USP5: variants seen among roughly 807,000 people sequenced by gnomAD.
The protein encoded by USP5 is ubiquitin specific peptidase 5, also known as ubiquitin carboxyl-terminal hydrolase 5.
Under a neutral mutation model 102.5 loss-of-function variants are expected in USP5, and 24 were observed. That is an observed-to-expected ratio of 0.23 (90% CI 0.17 to 0.33). The LOEUF (loss-of-function observed/expected upper bound fraction) is 0.33. Ranked by LOEUF, USP5 falls within the 10% of genes least tolerant of loss-of-function variation. The probability of loss-of-function intolerance (pLI) is 1.00; values close to 1 mark genes in which losing one functional copy is unlikely to be tolerated. For synonymous variants in USP5, 460 were observed against 434.8 expected (o/e 1.06, Z -0.72); for missense variants, 753 against 1,122.1 (o/e 0.67, Z 4.70).
intron 14 of USP5, 132 bp downstream of exon 14, chr12:6,862,690 T>C: frequency 1.3e-6 from 1 of 757,664 alleles, no homozygotes; most frequent in Non-Finnish European, 2.1e-6. Flanking sequence ...GTTTCAAAAT[T>C]TATCTAGTTT....
chr12:6,864,262 CCTT>C lies in USP5; in HGVS notation c.2244+71_2244+73del, dbSNP rs1944363000. On this transcript the variant is annotated intron_variant, in intron 17 of 19. Coordinates refer to ENST00000229268, the MANE Select transcript of USP5 (RefSeq NM_001098536.2). This position sits in a 1 kb window ranked among gnomAD's most constrained non-coding sequence, Gnocchi z 4.8. ...GAAGGGGGTGGGAATGAGGGGCCAT[CCTT>C]CTTGAGCAAGACCAAAGACAACAGG... The C allele has an allele frequency of 6.6e-7, 1 of 1,508,206 alleles. No individual in the cohort carries two copies. The highest frequency in any genetic ancestry group is 8.8e-7 in the Non-Finnish European group (1 of 1,131,258). The allele number at this position is 1,508,206 out of a possible 1,614,324, so 93.4% of individuals were successfully genotyped here.
intron 6 of USP5, 129 bp downstream of exon 6, chr12:6,857,020 T>C: frequency 7.9e-7 from 1 of 1,266,304 alleles, no homozygotes. Context: ...GTGCGGTGGC[T>C]CATGTTTGCA....
rs782566745 is a variant in USP5 at position 6,862,457 on chromosome 12, C to G, written c.1674-13C>G. The G allele has an allele frequency of 6.2e-7, 1 of 1,612,208 alleles. No homozygotes were observed. The highest frequency in any genetic ancestry group is 1.7e-5 in the Admixed American group (1 of 60,014). On this transcript the variant is annotated splice_polypyrimidine_tract_variant and intron_variant, in intron 13 of 19. Coordinates refer to ENST00000229268, the MANE Select transcript of USP5 (RefSeq NM_001098536.2). Reference sequence around the variant, plus strand: ...GGGATTGTCTGGGTACCAGCACAGTCTCTCTTCCCTAGGACCACACGATTT... The same window carrying G: ...GGGATTGTCTGGGTACCAGCACAGTGTCTCTTCCCTAGGACCACACGATTT...
rs1944270643 is a variant in USP5, at chr12:6,861,325, CAG to C, written c.1499-117_1499-116del. The C allele has an allele frequency of 3.0e-6, 4 of 1,334,636 alleles. No homozygotes were observed. Among genetic ancestry groups the C allele is most frequent in the East Asian group, 2.3e-5 (1 of 42,982 alleles). The allele number at this position is 1,334,636 out of a possible 1,614,324, so 82.7% of individuals were successfully genotyped here. A position where few individuals can be genotyped will look rare whatever the true frequency, so the allele number is the denominator to read the frequency against. On this transcript the variant is annotated intron_variant, in intron 12 of 19. Transcript: ENST00000229268. This position sits in a 1 kb window ranked among gnomAD's most constrained non-coding sequence, Gnocchi z 4.9. ...CAGGCGAGATATATTGGACATGTGT[CAG>C]GGGTGCTTTGGAAGGGTAGAGGAAC...
rs201103093 is a variant in USP5, at chr12:6,864,862, G to A, written c.2385G>A (p.Arg795=). 1 of 1,613,612 alleles carries A rather than the reference G, an allele frequency of 6.2e-7. No homozygotes were observed. The highest frequency in any genetic ancestry group is 1.3e-5 in the African/African-American group (1 of 75,046). ...CTGTGCCAGTGGGACCTAAAGTCCG[G>A]GATGGTCCTGGAAGTGAGTATCCCC... is the stretch of plus-strand genomic sequence containing the variant. ...SESVPVGPKV[R]DGPGKYQLFA... is the part of the protein sequence containing the mutation. The change falls in exon 18 of 20, where the codon CGG becomes CGA. Residue 795 remains arginine, a synonymous_variant. Transcript: ENST00000229268. This position sits in a 1 kb window ranked among gnomAD's most constrained non-coding sequence, Gnocchi z 4.8.
chr12:6,853,908 C>A (rs1944029437), intron 1 of USP5, among the ~76,000 whole-genome samples: 1 of 152,248 alleles, frequency 6.6e-6, no homozygotes, highest in Admixed American at 6.5e-5. Context: ...CTACCTTAGA[C>A]AGTGCACTAT....
In USP5 at chr12:6,856,677, T is replaced by G; in HGVS notation, c.585-30T>G. The G allele has an allele frequency of 6.2e-7, 1 of 1,611,422 alleles. No individual in the cohort carries two copies. The highest frequency in any genetic ancestry group is 1.1e-5 in the South Asian group (1 of 91,048). On this transcript the variant is annotated intron_variant, in intron 5 of 19. Transcript: ENST00000229268. The surrounding 1 kb of genome is among the most constrained non-coding windows in gnomAD (Gnocchi z 5.6). ...CACTCCCTCAAATCCCCGACCCACA[T>G]TTCTGCTGATTCTCTTCTCTGTGGG...
Position 6,864,064 on chromosome 12 carries a change from C to G in USP5, c.2113C>G (p.Leu705Val). ...CACATCCACAGATTTTGCAAACCCCCTCATCCTGCCTGGCTCTAGTGGGCC... is the reference window on the plus strand; with the variant it reads ...CACATCCACAGATTTTGCAAACCCCGTCATCCTGCCTGGCTCTAGTGGGCC... ...HMDDPDFANP[L>V]ILPGSSGPGS... The change falls in exon 17 of 20, where the codon CTC (leucine) becomes GTC (valine). Residue 705 changes from leucine to valine, a missense_variant. Physicochemically the swap from Leu to Val is conservative, Grantham distance 32. Around this residue, in one of 3 missense-constraint regions of USP5, gnomAD observed 193 missense variants for 230.2 expected, o/e 0.84. Coordinates refer to ENST00000229268, the MANE Select transcript of USP5 (RefSeq NM_001098536.2). This position sits in a 1 kb window ranked among gnomAD's most constrained non-coding sequence, Gnocchi z 4.8. 6.2e-7 allele frequency: 1 copy of G among 1,610,044 alleles called. No individual in the cohort carries two copies. Among genetic ancestry groups the G allele is most frequent in the Non-Finnish European group, 8.5e-7 (1 of 1,177,670 alleles).
Position 6,864,008 on chromosome 12 carries a change from C to T in USP5, c.2098+35C>T, listed in dbSNP as rs1216457321. ...GGTGGGGAGCAGGGTGGGGCAGGGC[C>T]TCCATCCTCCCCCAAACACATCAAC... On this transcript the variant is annotated intron_variant, in intron 16 of 19. Transcript: ENST00000229268. The surrounding 1 kb of genome is among the most constrained non-coding windows in gnomAD (Gnocchi z 4.8). 6.3e-7 allele frequency: 1 copy of T among 1,580,290 alleles called. No individual in the cohort carries two copies. The highest frequency in any genetic ancestry group is 8.6e-7 in the Non-Finnish European group (1 of 1,158,006).
rs189627934 is a variant in USP5 at position 6,863,800 on chromosome 12, C to T, written c.1955-30C>T. On this transcript the variant is annotated intron_variant, in intron 15 of 19. Coordinates refer to ENST00000229268, the MANE Select transcript of USP5 (RefSeq NM_001098536.2). The surrounding 1 kb of genome is among the most constrained non-coding windows in gnomAD (Gnocchi z 4.7). ...AGGAGCAAACAGTGGCCCAATCAGT[C>T]GGTCCGTGTACCCACAATTCCCATT... 6.5e-4 allele frequency: 999 copies of T among 1,529,200 alleles called. 11 individuals are homozygous for T. In the African/African-American group the frequency reaches 0.013, roughly 19 times the overall value. The allele number at this position is 1,529,200 out of a possible 1,614,324, so 94.7% of individuals were successfully genotyped here. A position where few individuals can be genotyped will look rare whatever the true frequency, so the allele number is the denominator to read the frequency against.
intron 1 of USP5, among the ~76,000 whole-genome samples, chr12:6,854,055 C>T (rs1303484929): frequency 6.6e-6 from 1 of 152,154 alleles, no homozygotes; most frequent in Non-Finnish European, 1.5e-5. Flanking sequence ...CCTTCTCCAT[C>T]ACTCTTTACA....
chr12:6,864,104 C>T lies in USP5; in HGVS notation c.2153C>T (p.Ala718Val). 6.2e-7 allele frequency: 1 copy of T among 1,614,038 alleles called. No individual in the cohort carries two copies. ...TCTAGTGGGCCGGGCTCCACAAGCG[C>T]AGCAGCCGACCCCCCTCCTGAGGAC... The part of the protein sequence containing the change: ...PGSSGPGSTS[A>V]AADPPPEDCV... The change falls in exon 17 of 20, where the codon GCA (alanine) becomes GTA (valine). Residue 718 changes from alanine to valine, a missense_variant. Coordinates refer to ENST00000229268, the MANE Select transcript of USP5 (RefSeq NM_001098536.2). The surrounding 1 kb of genome is among the most constrained non-coding windows in gnomAD (Gnocchi z 4.8).
intron 1 of USP5, 64 bp downstream of exon 1, chr12:6,852,354 GGGGCCTGCAA>G: frequency 6.6e-7 from 1 of 1,508,900 alleles, no homozygotes; most frequent in South Asian, 1.2e-5. Context: ...TCATTCCGCT[GGGGCCTGCAA>G]GGCTTGGGCT....
Position 6,860,536 on chromosome 12 carries a change from CT to C in USP5, c.1344+46del. The C allele has an allele frequency of 6.2e-7, 1 of 1,609,246 alleles. No individual in the cohort carries two copies. The highest frequency in any genetic ancestry group is 8.5e-7 in the Non-Finnish European group (1 of 1,179,354). ...CACACCCCCATCTTCCTGCAATTTA[CT>C]CGCTCTCCTTCCTGCCCATTTCTCC... On this transcript the variant is annotated intron_variant, in intron 11 of 19. Transcript: ENST00000229268. This position sits in a 1 kb window ranked among gnomAD's most constrained non-coding sequence, Gnocchi z 5.5.
At chr12:6,853,393 G>C (rs1370710509) in intron 1 of USP5, among the ~76,000 whole-genome samples, 2 of 152,220 alleles carry the variant, frequency 1.3e-5, no homozygotes, top group East Asian at 3.8e-4. Flanking sequence ...TTTGATCTGG[G>C]CCTCAGACAA....
At position 6,866,110 on chromosome 12, in the gene USP5, G is replaced by A. The variant is rs1944437944; in HGVS notation, c.*33G>A. 1.3e-6 allele frequency: 2 copies of A among 1,591,768 alleles called. No homozygotes were observed. Among genetic ancestry groups the A allele is most frequent in the African/African-American group, 1.3e-5 (1 of 74,384 alleles). On this transcript the variant is annotated 3_prime_UTR_variant, in exon 20 of 20. Transcript: ENST00000229268. The surrounding 1 kb of genome is among the most constrained non-coding windows in gnomAD (Gnocchi z 4.7). Reference sequence around the variant, plus strand: ...CCTCACCCCTTACCAATGAGGGCAGGGGAAGACCACCTGGCATGAGGGAGA... The same window carrying A: ...CCTCACCCCTTACCAATGAGGGCAGAGGAAGACCACCTGGCATGAGGGAGA...
intron 19 of USP5, among the ~76,000 whole-genome samples, chr12:6,865,618 GTGT>G (rs1263829870): frequency 1.3e-5 from 2 of 152,206 alleles, no homozygotes; most frequent in African/African-American, 4.8e-5. Flanking sequence ...ACTTGTTTAT[GTGT>G]TGTTTGTGCC....
chr12:6,853,669 GT>G (rs1944017739), intron 1 of USP5, among the ~76,000 whole-genome samples: 1 of 152,194 alleles, frequency 6.6e-6, no homozygotes, highest in South Asian at 2.1e-4. Flanking sequence ...TCCAAAAAGG[GT>G]TTTTGTAATC....
chr12:6,862,555 C>T lies in USP5; in HGVS notation c.1759C>T (p.Leu587=). ...TFGLDWVPKK[L]DVSIEMPEEL... is the part of the protein sequence containing the mutation. ...CGGCTTAGACTGGGTGCCCAAGAAA[C>T]TGGGTATGGCTGCTGGAATGAGGGA... is the stretch of plus-strand genomic sequence containing the variant. Residue 587 remains leucine (L), a synonymous_variant, in exon 14 of 20, where the codon CTG becomes TTG. Coordinates refer to ENST00000229268, the MANE Select transcript of USP5 (RefSeq NM_001098536.2). 1.2e-6 allele frequency: 2 copies of T among 1,613,836 alleles called. No individual in the cohort carries two copies. The highest frequency in any genetic ancestry group is 1.7e-6 in the Non-Finnish European group (2 of 1,179,742).
Sources: allele counts gnomAD v4.1 joint callset (sites outside exome capture counted in the v4.1 genomes callset), GRCh38; gene constraint gnomAD v4.1.1; regional missense constraint gnomAD v4.1.1; non-coding constraint Gnocchi (gnomAD v3.1); transcripts MANE v1.5; gene names NCBI Gene and HGNC (gene_info 2026-07-23, HGNC 2026-07-21).